L3MBTL4: variants seen among roughly 807,000 people sequenced by gnomAD.
The protein encoded by L3MBTL4 is L3MBTL histone methyl-lysine binding protein 4.
In L3MBTL4, 70 loss-of-function variants were observed where a neutral mutation model predicts 84.5. The ratio of observed to expected loss-of-function variants is 0.83; its 90% CI spans 0.68 to 1.01. The LOEUF (loss-of-function observed/expected upper bound fraction) is 1.01. Among genes scored for constraint, L3MBTL4 ranks in the 50% least tolerant of loss-of-function variants. L3MBTL4 has a pLI of 0.00. For missense variants in L3MBTL4, 715 were observed against 754.8 expected (o/e 0.95, Z 0.62); for synonymous variants, 274 against 259.8 (o/e 1.05, Z -0.52).
At chr18:6,110,541 ACAT>A (rs1360303591) in intron 14 of L3MBTL4, among the ~76,000 whole-genome samples, 1 of 118,168 alleles carries the variant, frequency 8.5e-6, no homozygotes, top group African/African-American at 3.3e-5. Flanking sequence ...ACATGGGTGT[ACAT>A]GTATATGTGT....
At chr18:6,009,201 C>A (rs1351583343) in intron 16 of L3MBTL4, among the ~76,000 whole-genome samples, 3 of 152,186 alleles carry the variant, frequency 2.0e-5, no homozygotes, top group Non-Finnish European at 4.4e-5. Flanking sequence ...CTATGGCAAC[C>A]TAAACGTAAG....
intron 16 of L3MBTL4, among the ~76,000 whole-genome samples, chr18:5,972,892 G>GAATAGAAT (rs2052715462): frequency 7.6e-6 from 1 of 132,034 alleles, no homozygotes; most frequent in Non-Finnish European, 1.7e-5. Context: ...TAGAACAGAA[G>GAATAGAAT]AGAATAGAAT....
chr18:6,282,135 C>A (rs906141131), intron 4 of L3MBTL4, among the ~76,000 whole-genome samples: 11 of 152,188 alleles, frequency 7.2e-5, no homozygotes, highest in Admixed American at 6.5e-4. Context: ...ATCAACTGTT[C>A]TCTCTAGTTA....
rs2047531759 is a variant in L3MBTL4 at position 6,243,404 on chromosome 18, T to C, written c.350A>G (p.His117Arg). Reference sequence around the variant, plus strand: ...ATAGCAACTTAAATAACCATCAAAATGAAGTCTTAGACGGTAACCACAAAC... The same window carrying C: ...ATAGCAACTTAAATAACCATCAAAACGAAGTCTTAGACGGTAACCACAAAC... ...AEVCGYRLRLHFDGYLSCYDF... is the reference protein window; with the variant it reads ...AEVCGYRLRLRFDGYLSCYDF... Residue 117 changes from histidine to arginine, a missense_variant, in exon 7 of 19, where the codon CAT becomes CGT. By Grantham distance (29) the His-to-Arg change is conservative. Coordinates refer to ENST00000317931, the MANE Select transcript of L3MBTL4 (RefSeq NM_001330559.2). 3 of 1,607,638 alleles carry C rather than the reference T, an allele frequency of 1.9e-6. No individual in the cohort carries two copies. Among genetic ancestry groups the C allele is most frequent in the African/African-American group, 1.3e-5 (1 of 74,942 alleles).
chr18:6,013,225 C>A (rs1598432789), intron 16 of L3MBTL4, among the ~76,000 whole-genome samples: 4 of 152,268 alleles, frequency 2.6e-5, no homozygotes, highest in South Asian at 2.1e-4. Context: ...GAACCCCAGC[C>A]CCGCTGGCAA....
At chr18:6,265,055 C>G (rs1286105231) in intron 4 of L3MBTL4, among the ~76,000 whole-genome samples, 2 of 152,100 alleles carry the variant, frequency 1.3e-5, no homozygotes, top group African/African-American at 4.8e-5. Context: ...TGATATACTA[C>G]TAAGTAGGAA....
chr18:6,014,481 C>T (rs2054874164), intron 16 of L3MBTL4, among the ~76,000 whole-genome samples: 1 of 152,184 alleles, frequency 6.6e-6, no homozygotes, highest in Admixed American at 6.5e-5. Context: ...AAGCGTGCCC[C>T]ATCCAGACCA....
chr18:6,255,707 T>C (rs1018611445), intron 5 of L3MBTL4, among the ~76,000 whole-genome samples: 14 of 149,988 alleles, frequency 9.3e-5, no homozygotes, highest in Admixed American at 2.0e-4. Context: ...ATGCTTTTTT[T>C]CCCCCTGGGA....
chr18:6,205,892 T>C (rs2045854472), intron 12 of L3MBTL4, among the ~76,000 whole-genome samples: 1 of 152,200 alleles, frequency 6.6e-6, no homozygotes, highest in Admixed American at 6.5e-5. Context: ...CTGCAGCTGG[T>C]CAGAAATAGT....
In L3MBTL4 at chr18:6,301,951, C is replaced by A; in HGVS notation, c.79G>T (p.Ala27Ser). 6.2e-7 allele frequency: 1 copy of A among 1,612,270 alleles called. No homozygotes were observed. The highest frequency in any genetic ancestry group is 2.2e-5 in the East Asian group (1 of 44,856). The change falls in exon 4 of 19, where the codon GCT becomes TCT. Residue 27 changes from alanine to serine, a missense_variant. Physicochemically the swap from Ala to Ser is moderately conservative, Grantham distance 99. Coordinates refer to ENST00000317931, the MANE Select transcript of L3MBTL4 (RefSeq NM_001330559.2). ...TCCTTGGGCTTCTTTTCCTCTTCAGCTTGCTCCTAGAATACAGAAAATGGT... is the reference window on the plus strand; with the variant it reads ...TCCTTGGGCTTCTTTTCCTCTTCAGATTGCTCCTAGAATACAGAAAATGGT... Reference protein sequence around the residue: ...RLDQDGRLEQAEEEKKPKDST... With the variant: ...RLDQDGRLEQSEEEKKPKDST...
chr18:6,297,068 G>A (rs1820004487), intron 4 of L3MBTL4, among the ~76,000 whole-genome samples: 1 of 152,122 alleles, frequency 6.6e-6, no homozygotes, highest in African/African-American at 2.4e-5. Context: ...ATTGATTTGG[G>A]AGGTCCTTGG....
chr18:5,956,094 A>T lies in L3MBTL4; in HGVS notation c.*126T>A, dbSNP rs2144574657. 2 of 815,566 alleles carry T rather than the reference A, an allele frequency of 2.5e-6. No homozygotes were observed. The highest frequency in any genetic ancestry group is 4.0e-6 in the Non-Finnish European group (2 of 503,790). 50.5% of individuals were successfully genotyped at this position (815,566 alleles called of 1,614,324 possible). On this transcript the variant is annotated 3_prime_UTR_variant, in exon 19 of 19. Transcript: ENST00000317931. ...CTCTAAACATGTAAACAAATCACAG[A>T]CACTTTAAAAAGTCCAGATTCAGTG...
chr18:6,149,835 CA>C (rs1272208826), intron 13 of L3MBTL4, among the ~76,000 whole-genome samples: 1 of 152,188 alleles, frequency 6.6e-6, no homozygotes, highest in Non-Finnish European at 1.5e-5. Context: ...GAAAATGCTG[CA>C]AAACCATCCC....
rs2052804787 is a variant in L3MBTL4, at chr18:5,974,510, G to A, written c.1445-4948C>T. Among the ~76,000 whole-genome samples the A allele has an allele frequency of 2.6e-5, 4 of 152,118 alleles. No homozygotes were observed. In the South Asian group the frequency reaches 6.2e-4, roughly 24 times the overall value. ...TCTATCTGCCTTTAAAAGTCAGAAC[G>A]CCACAGCCAGGGGAAGGCCAATTTT... On this transcript the variant is annotated intron_variant, in intron 16 of 18. Transcript: ENST00000317931.
intron 1 of L3MBTL4, among the ~76,000 whole-genome samples, chr18:6,374,831 C>A (rs1190442222): frequency 1.3e-5 from 2 of 152,046 alleles, no homozygotes; most frequent in African/African-American, 4.8e-5. Flanking sequence ...GCAGTTATTG[C>A]CAGTACTAAA....
intron 16 of L3MBTL4, among the ~76,000 whole-genome samples, chr18:6,080,378 T>C (rs2058035360): frequency 6.6e-6 from 1 of 152,254 alleles, no homozygotes; most frequent in Non-Finnish European, 1.5e-5. Context: ...TATGGAGCCT[T>C]CATTGGAAAG....
At chr18:6,038,251 C>CTTTTTTTTTTTTT (rs34580980) in intron 16 of L3MBTL4, among the ~76,000 whole-genome samples, 1 of 97,862 alleles carries the variant, frequency 1.0e-5, no homozygotes, top group Non-Finnish European at 2.0e-5. Context: ...ATTTCTGGAT[C>CTTTTTTTTTTTTT]TTTTTTTTTT....
chr18:6,149,670 G>A (rs1250617620), intron 13 of L3MBTL4, among the ~76,000 whole-genome samples: 1 of 152,142 alleles, frequency 6.6e-6, no homozygotes, highest in East Asian at 1.9e-4. Flanking sequence ...CACCAACAGT[G>A]CAAAAATGTT....
At chr18:6,051,192 G>A (rs1408480921) in intron 16 of L3MBTL4, among the ~76,000 whole-genome samples, 1 of 152,182 alleles carries the variant, frequency 6.6e-6, no homozygotes, top group Non-Finnish European at 1.5e-5. Flanking sequence ...CGACTCTGGG[G>A]CAATGAGATG....
Sources: allele counts gnomAD v4.1 joint callset (sites outside exome capture counted in the v4.1 genomes callset), GRCh38; gene constraint gnomAD v4.1.1; transcripts MANE v1.5; gene names NCBI Gene and HGNC (gene_info 2026-07-23, HGNC 2026-07-21).